The following PRDM15 variants were observed in gnomAD, a reference collection of about 807,000 sequenced individuals.
PRDM15 encodes the protein PR domain zinc finger protein 15.
A neutral mutation model predicts 128.6 loss-of-function variants in PRDM15; 64 were observed. That is an observed-to-expected ratio of 0.50 (90% confidence interval 0.41 to 0.61). The LOEUF is 0.61. PRDM15 is among the 20% of genes least tolerant of loss of function. The pLI, the probability that PRDM15 is intolerant of heterozygous loss-of-function variation, is 0.00. For synonymous variants in PRDM15, 615 were observed against 621.8 expected (o/e 0.99, Z 0.16); for missense variants, 1,242 against 1,569.1 (o/e 0.79, Z 3.52).
At chr21:41,867,319 C>T in intron 1 of PRDM15, 1 of 1,613,570 alleles carries the variant, frequency 6.2e-7, no homozygotes, top group Non-Finnish European at 8.5e-7. Flanking sequence ...TCGCAATCTT[C>T]CCCAGGGCTG....
At chr21:41,835,808 G>A (rs1330569359) in intron 10 of PRDM15, among the ~76,000 whole-genome samples, 1 of 152,060 alleles carries the variant, frequency 6.6e-6, no homozygotes, top group Non-Finnish European at 1.5e-5. Context: ...ACGAGGGGCT[G>A]ACAGGTGGCC....
At chr21:41,827,599 C>T (rs552950981) in intron 12 of PRDM15, among the ~76,000 whole-genome samples, 54 of 152,354 alleles carry the variant, frequency 3.5e-4, no homozygotes, top group African/African-American at 1.3e-3. Flanking sequence ...GCTGCAGCCT[C>T]TCAAAGTGCT....
intron 1 of PRDM15, chr21:41,861,930 C>T (rs754385951): frequency 1.9e-6 from 3 of 1,613,624 alleles, no homozygotes; most frequent in Non-Finnish European, 2.5e-6. Flanking sequence ...CACACATTCA[C>T]GTTCAAAGGT....
Position 41,811,829 on chromosome 21 carries a change from CACCCGCCACCA to C in PRDM15, c.2393-1004_2393-994del, listed in dbSNP as rs1409970564. 1 of 152,040 alleles carries C rather than the reference CACCCGCCACCA, an allele frequency of 6.6e-6. No homozygotes were observed. The allele number at this position is 152,040 out of a possible 1,614,324, so 9.4% of individuals were successfully genotyped here. ...CTCTCTGAGTAGCTGGGACTACAGG[CACCCGCCACCA>C]CGCCCAGCTAATTTTTTGTATTTTT... On this transcript the variant is annotated intron_variant, in intron 19 of 23. Coordinates refer to ENST00000398548, the MANE Select transcript of PRDM15 (RefSeq NM_001040424.3). This position sits in a 1 kb window ranked among gnomAD's most constrained non-coding sequence, Gnocchi z 4.1.
Position 41,823,363 on chromosome 21 carries a change from G to T in PRDM15, c.1716C>A (p.Phe572Leu). The T allele has an allele frequency of 6.2e-7, 1 of 1,600,350 alleles. No individual in the cohort carries two copies. Among genetic ancestry groups the T allele is most frequent in the Non-Finnish European group, 8.5e-7 (1 of 1,173,756 alleles). The change falls in exon 14 of 24, where the codon TTC (phenylalanine) becomes TTA (leucine). Residue 572 changes from phenylalanine to leucine, a missense_variant. By Grantham distance (22) the Phe-to-Leu change is conservative. This residue lies in a region of PRDM15 where 28 missense variants were observed against 63.8 expected (regional missense o/e 0.44). Coordinates refer to ENST00000398548, the MANE Select transcript of PRDM15 (RefSeq NM_001040424.3). ...KYTCEICGRK[F>L]FRVDVLRDHI... ...GGTCCCTGAGCACATCCACGCGGAA[G>T]AACTTGCGCCCGCAGATCTCGCAGG...
chr21:41,813,103 A>C (rs2061919697), intron 19 of PRDM15: 1 of 152,118 alleles, frequency 6.6e-6, no homozygotes, highest in African/African-American at 2.4e-5. Context: ...TCACCCCAAA[A>C]ACTGATGGGG....
chr21:41,830,749 C>T (rs116539469), intron 11 of PRDM15, among the ~76,000 whole-genome samples: 49 of 152,330 alleles, frequency 3.2e-4, no homozygotes, highest in African/African-American at 1.2e-3. Flanking sequence ...CATGAAGCTT[C>T]CAGAAACACC....
At chr21:41,847,975 T>C (rs2063319826) in intron 5 of PRDM15, among the ~76,000 whole-genome samples, 1 of 152,192 alleles carries the variant, frequency 6.6e-6, no homozygotes, top group Admixed American at 6.5e-5. Flanking sequence ...AACCTACAAT[T>C]GGGAGGCGTT....
Position 41,801,360 on chromosome 21 carries a change from C to A in PRDM15, c.3306G>T (p.Thr1102=), listed in dbSNP as rs200853879. ...GSQLSDQHPL[T]WRAVPQTDVL... Reference sequence around the variant, plus strand: ...CGTCAGTCTGGGGCACTGCCCGCCACGTGAGCGGGTGCTGGTCACTAAGCT... The same window carrying A: ...CGTCAGTCTGGGGCACTGCCCGCCAAGTGAGCGGGTGCTGGTCACTAAGCT... Residue 1102 remains threonine (T), a synonymous_variant, in exon 24 of 24, where the codon ACG becomes ACT. Coordinates refer to ENST00000398548, the MANE Select transcript of PRDM15 (RefSeq NM_001040424.3). 1 of 1,607,448 alleles carries A rather than the reference C, an allele frequency of 6.2e-7. No homozygotes were observed. The highest frequency in any genetic ancestry group is 1.1e-5 in the South Asian group (1 of 90,522).
In PRDM15 at chr21:41,810,219, G is replaced by C; in HGVS notation, c.2587C>G (p.Leu863Val). The change falls in exon 21 of 24, where the codon CTG becomes GTG. Residue 863 changes from leucine to valine, a missense_variant. Leu to Val is a conservative substitution (Grantham distance 32). Around this residue, in one of 3 missense-constraint regions of PRDM15, gnomAD observed 602 missense variants for 788.3 expected, o/e 0.76. Coordinates refer to ENST00000398548, the MANE Select transcript of PRDM15 (RefSeq NM_001040424.3). The surrounding 1 kb of genome is among the most constrained non-coding windows in gnomAD (Gnocchi z 6.4). Reference protein sequence around the residue: ...HDKVEAQSCQLCGTKVSTRAS... With the variant: ...HDKVEAQSCQVCGTKVSTRAS... ...CTGGTGGACACCTTGGTCCCGCACA[G>C]CTGGCAGCTCTGCGCCTCCACCTTG... The C allele has an allele frequency of 6.2e-7, 1 of 1,613,076 alleles. No homozygotes were observed. The highest frequency in any genetic ancestry group is 2.2e-5 in the East Asian group (1 of 44,868).
At chr21:41,835,988 C>G in intron 10 of PRDM15, 125 bp downstream of exon 10, 1 of 430,426 alleles carries the variant, frequency 2.3e-6, no homozygotes, top group Non-Finnish European at 4.6e-6. Context: ...CCTCCCTCCC[C>G]CACAGCCCCC....
intron 3 of PRDM15, 72 bp from the exon 4 acceptor site, chr21:41,857,401 A>G: frequency 6.5e-7 from 1 of 1,532,682 alleles, no homozygotes; most frequent in Non-Finnish European, 8.9e-7. Flanking sequence ...AGATAACCTA[A>G]AAGCTCGCCC....
chr21:41,863,250 T>A (rs2145940707), intron 1 of PRDM15: 1 of 151,930 alleles, frequency 6.6e-6, no homozygotes. Context: ...ATTAGTGATT[T>A]CAAAATGTGG....
chr21:41,861,938 G>T, intron 1 of PRDM15: 1 of 1,613,928 alleles, frequency 6.2e-7, no homozygotes. Context: ...CACGTTCAAA[G>T]GTATCTCGTG....
chr21:41,827,371 A>G (rs2062508390), intron 12 of PRDM15, among the ~76,000 whole-genome samples: 1 of 152,178 alleles, frequency 6.6e-6, no homozygotes, highest in South Asian at 2.1e-4. Flanking sequence ...ATTTTTGTAT[A>G]TATTTTTTGA....
intron 3 of PRDM15, among the ~76,000 whole-genome samples, chr21:41,857,808 A>T (rs1222177344): frequency 6.6e-6 from 1 of 152,214 alleles, no homozygotes; most frequent in African/African-American, 2.4e-5. Flanking sequence ...GTGCTCAATG[A>T]TGACTGAGAC....
In PRDM15 at chr21:41,832,809, CT is replaced by C. The variant is rs1276982123; in HGVS notation, c.1366+2627del. 1.3e-5 allele frequency among the ~76,000 whole-genome samples: 2 copies of C among 152,192 alleles called. No individual in the cohort carries two copies. Among genetic ancestry groups the C allele is most frequent in the Non-Finnish European group, 2.9e-5 (2 of 68,026 alleles). ...TGGAAGGCAATGGTGCTGCCAAGAG[CT>C]TCAGCTTTCTCCCTCACAAGCCCCT... On this transcript the variant is annotated intron_variant, in intron 11 of 23. Coordinates refer to ENST00000398548, the MANE Select transcript of PRDM15 (RefSeq NM_001040424.3). The surrounding 1 kb of genome is among the most constrained non-coding windows in gnomAD (Gnocchi z 4.2).
chr21:41,829,748 TAC>T (rs1221834363), intron 11 of PRDM15, among the ~76,000 whole-genome samples: 4 of 127,658 alleles, frequency 3.1e-5, no homozygotes, highest in South Asian at 5.1e-4. Flanking sequence ...CTATACCACA[TAC>T]ACACACATTC....
chr21:41,803,039 C>T (rs892678202), intron 22 of PRDM15, 118 bp from the exon 23 acceptor site: 11 of 769,982 alleles, frequency 1.4e-5, no homozygotes, highest in African/African-American at 1.4e-4. Flanking sequence ...GCTTGTGGGC[C>T]ACCGAGCTGC....
Sources: gnomAD v4.1 joint callset for allele counts (sites outside exome capture counted in the v4.1 genomes callset) on GRCh38, gnomAD v4.1.1 for gene constraint, gnomAD v4.1.1 regional missense constraint, Gnocchi (gnomAD v3.1) non-coding constraint, MANE v1.5 for transcripts, NCBI Gene and HGNC (gene_info 2026-07-23, HGNC 2026-07-21) for gene names.